AP3B1: variants seen among roughly 807,000 people sequenced by gnomAD.
AP3B1 encodes the protein AP-3 complex subunit beta-1.
AP3B1 carries 61 observed loss-of-function variants against 132.5 expected under a neutral mutation model. That is an observed-to-expected ratio of 0.46 (90% confidence interval 0.37 to 0.57). The LOEUF (loss-of-function observed/expected upper bound fraction) is 0.57. Among genes scored for constraint, AP3B1 ranks in the 20% least tolerant of loss-of-function variants. The probability of loss-of-function intolerance (pLI) is 0.00; values close to 1 mark genes in which losing one functional copy is unlikely to be tolerated. For synonymous variants in AP3B1, 388 were observed against 438.3 expected, an observed-to-expected ratio of 0.89 and a Z score of 1.43; for missense variants, 1,120 against 1,289.4, an observed-to-expected ratio of 0.87 and a Z score of 2.01.
At chr5:78,089,191 T>A in intron 22 of AP3B1, 1 of 513,322 alleles carries the variant, frequency 1.9e-6, no homozygotes, top group Non-Finnish European at 3.5e-6. Context: ...TAATTAAGTG[T>A]GGACAACAAG....
intron 22 of AP3B1, among the ~76,000 whole-genome samples, chr5:78,086,156 A>G (rs1171363878): frequency 1.3e-5 from 2 of 152,298 alleles, no homozygotes; most frequent in African/African-American, 2.4e-5. Flanking sequence ...TGGTTTCAAC[A>G]ATCAGCAGTA....
chr5:78,274,612 T>C (rs111445568), intron 1 of AP3B1, among the ~76,000 whole-genome samples: 1 of 151,840 alleles, frequency 6.6e-6, no homozygotes, highest in South Asian at 2.1e-4. Context: ...CAAGAAACAA[T>C]GAGAAAAATC....
intron 22 of AP3B1, among the ~76,000 whole-genome samples, chr5:78,082,589 A>T (rs1475680312): frequency 1.3e-5 from 2 of 152,230 alleles, no homozygotes; most frequent in East Asian, 3.8e-4. Context: ...TCAAAGTCAC[A>T]ATGATAATAA....
chr5:78,087,631 A>AT (rs1193347195), intron 22 of AP3B1: 7 of 985,162 alleles, frequency 7.1e-6, no homozygotes, highest in Non-Finnish European at 8.4e-6. Flanking sequence ...ACTGGCGGTC[A>AT]TTTTTTGCCC....
At chr5:78,178,081 C>T (rs936775376) in intron 8 of AP3B1, among the ~76,000 whole-genome samples, 5 of 152,178 alleles carry the variant, frequency 3.3e-5, no homozygotes, top group African/African-American at 1.2e-4. Context: ...GCTCAAGACA[C>T]TCGAAATTCC....
chr5:78,153,976 T>C (rs1338770254), intron 14 of AP3B1, among the ~76,000 whole-genome samples: 1 of 152,228 alleles, frequency 6.6e-6, no homozygotes, highest in Non-Finnish European at 1.5e-5. Context: ...ACATGAGTAC[T>C]TCATACACCA....
At chr5:78,130,835 T>TA (rs1212064461) in intron 15 of AP3B1, among the ~76,000 whole-genome samples, 1 of 151,976 alleles carries the variant, frequency 6.6e-6, no homozygotes, top group African/African-American at 2.4e-5. Flanking sequence ...AATCTGCAAC[T>TA]AAAATAAAGA....
chr5:78,077,700 C>T (rs1749821821), intron 22 of AP3B1, among the ~76,000 whole-genome samples: 3 of 152,190 alleles, frequency 2.0e-5, no homozygotes, highest in Admixed American at 2.0e-4. Context: ...TCTTCTACTC[C>T]AGCCACCTAG....
intron 21 of AP3B1, among the ~76,000 whole-genome samples, chr5:78,091,403 G>A (rs1750509265): frequency 6.6e-6 from 1 of 152,084 alleles, no homozygotes; most frequent in South Asian, 2.1e-4. Context: ...GAGGTTGGAT[G>A]GGGAGGGAGT....
intron 17 of AP3B1, among the ~76,000 whole-genome samples, chr5:78,120,231 A>G (rs1040200055): frequency 1.3e-5 from 2 of 151,768 alleles, no homozygotes; most frequent in African/African-American, 2.4e-5. Context: ...CAGCCACTGC[A>G]AAAAACATGC....
intron 11 of AP3B1, among the ~76,000 whole-genome samples, chr5:78,167,012 A>G (rs548329463): frequency 6.6e-6 from 1 of 152,390 alleles, no homozygotes; most frequent in African/African-American, 2.4e-5. Context: ...TAATTAAACT[A>G]GAAAGCTTCT....
At chr5:78,097,570 C>T (rs1750914111) in intron 21 of AP3B1, among the ~76,000 whole-genome samples, 1 of 137,240 alleles carries the variant, frequency 7.3e-6, no homozygotes, top group Non-Finnish European at 1.6e-5. Context: ...GGGGTCAGCC[C>T]CCCGCCCGGC....
At position 78,181,705 on chromosome 5, in the gene AP3B1, A is replaced by C. The variant is rs1455442659; in HGVS notation, c.787-43T>G. On this transcript the variant is annotated intron_variant, in intron 7 of 26. Transcript: ENST00000255194. ...CAACCCAAGATTACTTTAGACCTTG[A>C]GCAATCTGCATATTATATAGTCAAA... is the stretch of plus-strand genomic sequence containing the variant. 8 of 1,568,060 alleles carry C rather than the reference A, an allele frequency of 5.1e-6. No homozygotes were observed. The Admixed American group carries it at 8.6e-5, about 17-fold the overall frequency.
At position 78,101,243 on chromosome 5, in the gene AP3B1, G is replaced by A. The variant is rs6886234; in HGVS notation, c.2398-218C>T. Reference sequence around the variant, plus strand: ...TATGCAAACTCTTAAACTATTTTGTGTTTAAAAATTATAAATGTCAGAACA... The same window carrying A: ...TATGCAAACTCTTAAACTATTTTGTATTTAAAAATTATAAATGTCAGAACA... On this transcript the variant is annotated intron_variant, in intron 20 of 26. Coordinates refer to ENST00000255194, the MANE Select transcript of AP3B1 (RefSeq NM_003664.5). The A allele has an allele frequency of 0.015, 7,080 of 485,820 alleles. 342 individuals are homozygous for A. Among genetic ancestry groups the A allele is most frequent in the African/African-American group, 0.11 (5,442 of 50,842 alleles). The allele number at this position is 485,820 out of a possible 1,614,324, so 30.1% of individuals were successfully genotyped here. A position where few individuals can be genotyped will look rare whatever the true frequency, so the allele number is the denominator to read the frequency against.
intron 22 of AP3B1, among the ~76,000 whole-genome samples, chr5:78,051,240 T>A (rs1165156014): frequency 6.6e-6 from 1 of 152,166 alleles, no homozygotes; most frequent in East Asian, 1.9e-4. Flanking sequence ...ACAGACAGCG[T>A]GCAATTTTAG....
rs1271543780 is a variant in AP3B1 at position 78,216,102 on chromosome 5, T to C, written c.739A>G (p.Met247Val). The C allele has an allele frequency of 3.1e-6, 5 of 1,614,050 alleles. No individual in the cohort carries two copies. The highest frequency in any genetic ancestry group is 4.2e-6 in the Non-Finnish European group (5 of 1,179,926). Residue 247 changes from methionine to valine, a missense_variant, in exon 7 of 27, where the codon ATG (methionine) becomes GTG (valine). Met to Val is a conservative substitution (Grantham distance 21). Transcript: ENST00000255194. ...TGTGTCCGAGCATATCGAGTTAGCA[T>C]GTGGATTATGACAACCTGCCCCCAC... ...EEWGQVVIIH[M>V]LTRYARTQFV... is the part of the protein sequence containing the mutation.
At chr5:78,122,687 A>G (rs1752268924) in intron 17 of AP3B1, among the ~76,000 whole-genome samples, 1 of 152,214 alleles carries the variant, frequency 6.6e-6, no homozygotes, top group South Asian at 2.1e-4. Context: ...CTGCTCAATG[A>G]AATAAAAGAG....
intron 26 of AP3B1, among the ~76,000 whole-genome samples, chr5:78,009,834 A>T (rs1043043460): frequency 6.6e-6 from 1 of 152,232 alleles, no homozygotes. Flanking sequence ...GTTAATAATG[A>T]AAGTTGCTCC....
At chr5:78,202,460 A>T (rs1029441976) in intron 7 of AP3B1, among the ~76,000 whole-genome samples, 2 of 152,002 alleles carry the variant, frequency 1.3e-5, no homozygotes, top group African/African-American at 4.8e-5. Context: ...CACTAAGATA[A>T]CCATGAGTAA....
Sources: allele counts gnomAD v4.1 joint callset (sites outside exome capture counted in the v4.1 genomes callset), GRCh38; gene constraint gnomAD v4.1.1; transcripts MANE v1.5; gene names NCBI Gene and HGNC (gene_info 2026-07-23, HGNC 2026-07-21).